Variants in MREG observed in about 807,000 individuals in gnomAD.
MREG encodes melanoregulin.
A neutral mutation model predicts 28.5 loss-of-function variants in MREG; 31 were observed. The ratio of observed to expected loss-of-function variants is 1.09; its 90% CI spans 0.82 to 1.47. MREG has a LOEUF of 1.47. Ranked by LOEUF, MREG falls within the 40% of genes most tolerant of loss-of-function variation. MREG has a pLI of 0.00. For synonymous variants in MREG, 106 were observed against 95.2 expected (o/e 1.11, Z -0.66); for missense variants, 256 against 257.4 (o/e 0.99, Z 0.04).
chr2:216,016,615 G>A (rs549842710), upstream of MREG, among the ~76,000 whole-genome samples: 1 of 152,332 alleles, frequency 6.6e-6, no homozygotes, highest in South Asian at 2.1e-4. Flanking sequence ...ACACAGTTGT[G>A]AGACTCAAAT....
At chr2:215,942,380 A>G (rs1692208943), downstream of MREG, among the ~76,000 whole-genome samples, 1 of 152,188 alleles carries the variant, frequency 6.6e-6, no homozygotes, top group South Asian at 2.1e-4. Flanking sequence ...TGACATCTAC[A>G]GTGGCCACCT....
At chr2:216,016,224 C>G (rs1055199221), upstream of MREG, among the ~76,000 whole-genome samples, 2 of 152,200 alleles carry the variant, frequency 1.3e-5, no homozygotes, top group Non-Finnish European at 2.9e-5. Flanking sequence ...ACCACTTGCA[C>G]CTGGTGCCAA....
chr2:216,033,803 C>T (rs1574668990), upstream of MREG: 2 of 152,490 alleles, frequency 1.3e-5, no homozygotes, highest in Admixed American at 1.3e-4. Context: ...TCTCACTAGA[C>T]TGAGCCACGG....
intron 2 of MREG, among the ~76,000 whole-genome samples, chr2:215,960,987 G>C (rs1479864005): frequency 6.6e-6 from 1 of 152,220 alleles, no homozygotes; most frequent in Non-Finnish European, 1.5e-5. Flanking sequence ...GTATTTCACT[G>C]TTCCTAGACA....
rs566903944 is a variant in MREG at position 215,943,579 on chromosome 2, C to T, written c.*1284G>A. ...GGGCTTGGCCGGGCGCGGTGACTCA[C>T]GCCTGTAATCCCAGCACTTTGGGAG... On this transcript the variant is annotated 3_prime_UTR_variant, in exon 5 of 5. Coordinates refer to ENST00000263268, the MANE Select transcript of MREG (RefSeq NM_018000.3). 3.4e-5 allele frequency: 15 copies of T among 440,844 alleles called. No homozygotes were observed. The highest frequency in any genetic ancestry group is 5.0e-5 in the Non-Finnish European group (11 of 218,332). The allele number at this position is 440,844 out of a possible 1,614,324, so 27.3% of individuals were successfully genotyped here.
At chr2:215,979,467 AAAT>A (rs201080423) in intron 2 of MREG, among the ~76,000 whole-genome samples, 31,255 of 132,058 alleles carry the variant, frequency 0.24, 3,710 homozygotes, top group South Asian at 0.27. Flanking sequence ...CCATCTCAAA[AAAT>A]AATAATAATA....
At chr2:215,977,449 C>T (rs1460366205) in intron 2 of MREG, among the ~76,000 whole-genome samples, 1 of 152,218 alleles carries the variant, frequency 6.6e-6, no homozygotes, top group Non-Finnish European at 1.5e-5. Flanking sequence ...TAACACCCCA[C>T]TGTCGATATT....
At chr2:216,033,993 T>C (rs1694752773), upstream of MREG, 1 of 152,234 alleles carries the variant, frequency 6.6e-6, no homozygotes, top group African/African-American at 2.4e-5. Flanking sequence ...ATCTTCCCGC[T>C]GGTTGATCTT....
chr2:216,006,747 G>A (rs1254561602), intron 1 of MREG, among the ~76,000 whole-genome samples: 1 of 152,214 alleles, frequency 6.6e-6, no homozygotes, highest in African/African-American at 2.4e-5. Flanking sequence ...AAGGTCATGT[G>A]AGTCCACACC....
chr2:216,002,355 A>G (rs1694038377), intron 1 of MREG, among the ~76,000 whole-genome samples: 1 of 152,216 alleles, frequency 6.6e-6, no homozygotes, highest in Non-Finnish European at 1.5e-5. Flanking sequence ...CTATTTACCG[A>G]GAGTTCCTCA....
intron 1 of MREG, among the ~76,000 whole-genome samples, chr2:216,028,652 G>A (rs1268143328): frequency 6.6e-6 from 1 of 151,460 alleles, no homozygotes; most frequent in Non-Finnish European, 1.5e-5. Flanking sequence ...TCCAGTAATT[G>A]TGTATTTATT....
At chr2:216,002,895 G>C (rs1694054915) in intron 1 of MREG, among the ~76,000 whole-genome samples, 1 of 142,170 alleles carries the variant, frequency 7.0e-6, no homozygotes, top group Admixed American at 7.3e-5. Flanking sequence ...TTCTCTTTCT[G>C]TCTCTCTTCT....
At chr2:216,014,598 G>A (rs933992051), upstream of MREG, among the ~76,000 whole-genome samples, 1 of 150,724 alleles carries the variant, frequency 6.6e-6, no homozygotes, top group African/African-American at 2.4e-5. Flanking sequence ...GCAGTGAGCC[G>A]AGATCACGCC....
rs974703753 is a variant in MREG, at chr2:215,995,418, G to GT, written c.255+887dup. Among the ~76,000 whole-genome samples, 5 of 152,060 alleles carry GT rather than the reference G, an allele frequency of 3.3e-5. No homozygotes were observed. In the East Asian group the frequency reaches 5.8e-4, roughly 18 times the overall value. On this transcript the variant is annotated intron_variant, in intron 2 of 4. Transcript: ENST00000263268. ...AAGTTATCACCTCCTGCTAAAATATGTTTTTTTGGGAAAAGAAAAGTTACC... is the reference window on the plus strand; with the variant it reads ...AAGTTATCACCTCCTGCTAAAATATGTTTTTTTTGGGAAAAGAAAAGTTACC...
intron 1 of MREG, among the ~76,000 whole-genome samples, chr2:216,001,950 A>G (rs1694023580): frequency 6.6e-6 from 1 of 152,122 alleles, no homozygotes; most frequent in Admixed American, 6.5e-5. Flanking sequence ...ATTTAGTGCA[A>G]AGGCCTGGGG....
intron 2 of MREG, among the ~76,000 whole-genome samples, chr2:215,956,493 T>C (rs1192731774): frequency 6.6e-6 from 1 of 152,188 alleles, no homozygotes; most frequent in African/African-American, 2.4e-5. Flanking sequence ...CCTGTAGAAA[T>C]TAAATTTCTA....
intron 3 of MREG, among the ~76,000 whole-genome samples, 199 bp from the exon 4 acceptor site, chr2:215,945,933 T>C (rs1692308117): frequency 6.6e-6 from 1 of 152,146 alleles, no homozygotes; most frequent in African/African-American, 2.4e-5. Flanking sequence ...TAATTACAAT[T>C]CTTTCGGTAT....
At chr2:216,007,072 G>A (rs140116979) in intron 1 of MREG, among the ~76,000 whole-genome samples, 72 of 152,278 alleles carry the variant, frequency 4.7e-4, no homozygotes, top group Non-Finnish European at 8.2e-4. Context: ...ATCCCAGTTC[G>A]ACCACGTGTG....
At chr2:215,942,306 C>G (rs960834097), downstream of MREG, among the ~76,000 whole-genome samples, 2 of 152,202 alleles carry the variant, frequency 1.3e-5, no homozygotes, top group Admixed American at 1.3e-4. Context: ...GACAGGGAGA[C>G]AAAAAGTGGG....
Sources: gnomAD v4.1 joint callset for allele counts (sites outside exome capture counted in the v4.1 genomes callset) on GRCh38, gnomAD v4.1.1 for gene constraint, MANE v1.5 for transcripts, NCBI Gene and HGNC (gene_info 2026-07-23, HGNC 2026-07-21) for gene names.